The following NRG1 variants were observed in gnomAD, a reference collection of about 807,000 sequenced individuals.
NRG1 encodes pro-neuregulin-1, membrane-bound isoform.
In NRG1, 18 loss-of-function variants were observed where a neutral mutation model predicts 63.8. The ratio of observed to expected loss-of-function variants is 0.28; its 90% confidence interval spans 0.19 to 0.42. NRG1 has a LOEUF of 0.42. Ranked by LOEUF, NRG1 falls within the 10% of genes least tolerant of loss-of-function variation. NRG1 has a pLI of 1.00. For missense variants in NRG1, 762 were observed against 814.7 expected (o/e 0.94, Z 0.79); for synonymous variants, 302 against 301.3 (o/e 1.00, Z -0.02).
chr8:31,921,937 T>G (rs1399071898), intron 1 of NRG1, among the ~76,000 whole-genome samples: 3 of 152,172 alleles, frequency 2.0e-5, no homozygotes, highest in Non-Finnish European at 4.4e-5. Context: ...TTTTTTTAAT[T>G]CTATGAAGGA....
intron 1 of NRG1, among the ~76,000 whole-genome samples, chr8:31,955,174 A>G (rs1484606096): frequency 6.6e-6 from 1 of 152,214 alleles, no homozygotes; most frequent in Admixed American, 6.5e-5. Context: ...TAATGGCAAA[A>G]CGGCAATTAC....
At chr8:32,108,575 C>A (rs1201362409) in intron 1 of NRG1, among the ~76,000 whole-genome samples, 1 of 152,022 alleles carries the variant, frequency 6.6e-6, no homozygotes, top group Non-Finnish European at 1.5e-5. Flanking sequence ...GGGGCATAAT[C>A]AAACCATATT....
At chr8:32,538,987 C>T (rs1832310035) in intron 1 of NRG1, among the ~76,000 whole-genome samples, 2 of 152,196 alleles carry the variant, frequency 1.3e-5, no homozygotes, top group South Asian at 4.2e-4. Flanking sequence ...TGAGTTGGGT[C>T]TGGAAGAATG....
At chr8:31,911,502 C>T (rs1563555747) in intron 1 of NRG1, among the ~76,000 whole-genome samples, 1 of 152,144 alleles carries the variant, frequency 6.6e-6, no homozygotes, top group African/African-American at 2.4e-5. Context: ...CTAAATACCT[C>T]ATGTTCTCAC....
intron 1 of NRG1, among the ~76,000 whole-genome samples, chr8:31,698,451 A>G (rs1181110019): frequency 6.6e-6 from 1 of 152,186 alleles, no homozygotes; most frequent in East Asian, 1.9e-4. Context: ...GGTTAAAAAG[A>G]GGAAGCTTCA....
intron 1 of NRG1, among the ~76,000 whole-genome samples, chr8:31,831,107 CTT>C (rs535337906): frequency 1.4e-5 from 2 of 146,046 alleles, no homozygotes; most frequent in Non-Finnish European, 1.5e-5. Flanking sequence ...CCTCTTTCTT[CTT>C]TTTTTTTTTT....
intron 1 of NRG1, among the ~76,000 whole-genome samples, chr8:31,978,781 TG>T (rs1808604549): frequency 6.6e-6 from 1 of 152,128 alleles, no homozygotes; most frequent in Admixed American, 6.6e-5. Flanking sequence ...ATCCCATGTA[TG>T]TGAGATGTTT....
intron 1 of NRG1, among the ~76,000 whole-genome samples, chr8:32,461,923 A>G (rs994047495): frequency 8.5e-5 from 13 of 152,304 alleles, no homozygotes; most frequent in Admixed American, 6.5e-4. Flanking sequence ...TTCTTCATAA[A>G]ATAAGAAGCT....
chr8:31,840,307 T>G (rs1826071867), intron 1 of NRG1, among the ~76,000 whole-genome samples: 1 of 148,196 alleles, frequency 6.7e-6, no homozygotes, highest in African/African-American at 2.5e-5. Flanking sequence ...ATAAGATAAA[T>G]CATCTGTGAA....
chr8:31,858,629 A>C lies in NRG1; in HGVS notation c.37+219198A>C, dbSNP rs1057158480. ...TTACACCAAAAAAATGTTCATGGTC[A>C]CTGCTTGGTGGTCTGCTGCTGGTCT... On this transcript the variant is annotated intron_variant, in intron 1 of 10. Transcript: ENST00000519301. 3.9e-5 allele frequency among the ~76,000 whole-genome samples: 6 copies of C among 152,188 alleles called. No homozygotes were observed. The East Asian group carries it at 1.2e-3, about 29-fold the overall frequency.
chr8:32,732,806 T>C, intron 6 of NRG1, among the ~76,000 whole-genome samples: 1 of 141,164 alleles, frequency 7.1e-6, no homozygotes, highest in Non-Finnish European at 1.5e-5. Context: ...TTTCTTTTTT[T>C]TTTTTTTTTT....
chr8:32,076,204 A>C (rs1826521189), intron 1 of NRG1, among the ~76,000 whole-genome samples: 1 of 152,146 alleles, frequency 6.6e-6, no homozygotes, highest in Admixed American at 6.5e-5. Context: ...CCCTTTCATG[A>C]GCAAAGCTGG....
intron 1 of NRG1, among the ~76,000 whole-genome samples, chr8:31,651,794 T>C (rs372434756): frequency 1.2e-4 from 19 of 152,212 alleles, no homozygotes; most frequent in African/African-American, 3.6e-4. Flanking sequence ...ATTTTTTTTT[T>C]CCTTCAGTTT....
intron 1 of NRG1, among the ~76,000 whole-genome samples, chr8:31,783,011 T>C (rs1210332565): frequency 1.3e-5 from 2 of 152,194 alleles, no homozygotes; most frequent in Admixed American, 1.3e-4. Flanking sequence ...GCAATACCAA[T>C]GAACAGATCA....
chr8:31,931,863 T>C (rs1470684870), intron 1 of NRG1, among the ~76,000 whole-genome samples: 2 of 152,160 alleles, frequency 1.3e-5, no homozygotes, highest in Non-Finnish European at 2.9e-5. Flanking sequence ...CTGTAACTAC[T>C]TGCTCGCTCT....
At chr8:31,730,401 T>G (rs1813905657) in intron 1 of NRG1, among the ~76,000 whole-genome samples, 1 of 152,134 alleles carries the variant, frequency 6.6e-6, no homozygotes, top group African/African-American at 2.4e-5. Flanking sequence ...CTCTCTTTTC[T>G]CTCTCACAGA....
intron 1 of NRG1, among the ~76,000 whole-genome samples, chr8:31,798,512 A>G (rs764338448): frequency 9.2e-5 from 14 of 152,192 alleles, no homozygotes; most frequent in Non-Finnish European, 2.1e-4. Flanking sequence ...AATATGTTAA[A>G]TGAACAGAGA....
At chr8:32,303,937 G>A (rs1855911977) in intron 1 of NRG1, among the ~76,000 whole-genome samples, 1 of 152,058 alleles carries the variant, frequency 6.6e-6, no homozygotes, top group Non-Finnish European at 1.5e-5. Flanking sequence ...TAAAATAAAA[G>A]CTGTAAGTTT....
intron 1 of NRG1, among the ~76,000 whole-genome samples, chr8:32,047,225 T>C (rs1329853486): frequency 1.3e-5 from 2 of 152,040 alleles, no homozygotes; most frequent in African/African-American, 4.8e-5. Flanking sequence ...TTTACCTAAT[T>C]CACCCAAGGC....
Sources: allele counts gnomAD v4.1 joint callset (sites outside exome capture counted in the v4.1 genomes callset), GRCh38; gene constraint gnomAD v4.1.1; transcripts MANE v1.5; gene names NCBI Gene and HGNC (gene_info 2026-07-23, HGNC 2026-07-21).